PDE4D: variants seen among roughly 807,000 people sequenced by gnomAD.
PDE4D encodes phosphodiesterase 4D.
In PDE4D, 24 loss-of-function variants were observed where a neutral mutation model predicts 87.4. That is an observed-to-expected ratio of 0.27 (90% confidence interval 0.20 to 0.39). The LOEUF (loss-of-function observed/expected upper bound fraction) is 0.39. Among genes scored for constraint, PDE4D ranks in the 10% least tolerant of loss-of-function variants. The pLI is 1.00. For synonymous variants in PDE4D, 384 were observed against 383.2 expected (o/e 1.00, Z -0.02); for missense variants, 714 against 1,041.0 (o/e 0.69, Z 4.32).
chr5:59,082,572 T>G (rs748324503), intron 5 of PDE4D, among the ~76,000 whole-genome samples: 2 of 152,146 alleles, frequency 1.3e-5, no homozygotes, highest in Non-Finnish European at 2.9e-5. Context: ...TAAATGATCC[T>G]ATTCATAATA....
intron 2 of PDE4D, among the ~76,000 whole-genome samples, chr5:59,205,015 C>A (rs1329399594): frequency 6.6e-6 from 1 of 152,218 alleles, no homozygotes; most frequent in African/African-American, 2.4e-5. Context: ...TAAATGGATG[C>A]TCATATTCCC....
In PDE4D at chr5:60,201,800, A is replaced by G. The variant is rs563489840; in HGVS notation, c.-89-16113T>C. On this transcript the variant is annotated intron_variant, in intron 1 of 16. Transcript: ENST00000502484. ...ATTTCTGTAATAATTATAATAATTG[A>G]TACTGGCACCAGACTAGAAGAGAAT... Among the ~76,000 whole-genome samples, 5 of 152,358 alleles carry G rather than the reference A, an allele frequency of 3.3e-5. No individual in the cohort carries two copies. In the South Asian group the frequency reaches 1.0e-3, roughly 32 times the overall value.
At chr5:59,565,951 A>C (rs1820811895) in intron 1 of PDE4D, among the ~76,000 whole-genome samples, 1 of 152,176 alleles carries the variant, frequency 6.6e-6, no homozygotes, top group Admixed American at 6.5e-5. Flanking sequence ...AGACTCAATG[A>C]AACTGGGAGT....
At chr5:59,663,899 C>T (rs373110987) in intron 1 of PDE4D, among the ~76,000 whole-genome samples, 11 of 152,162 alleles carry the variant, frequency 7.2e-5, no homozygotes, top group Non-Finnish European at 1.3e-4. Flanking sequence ...TTCTCACCCT[C>T]GTCTCATCTC....
At chr5:59,473,322 G>A (rs1273542988) in intron 1 of PDE4D, among the ~76,000 whole-genome samples, 2 of 151,960 alleles carry the variant, frequency 1.3e-5, no homozygotes, top group East Asian at 3.9e-4. Flanking sequence ...CCAGAATAGA[G>A]AAATCACATA....
At chr5:59,065,117 CACACACAT>C (rs1207988517) in intron 5 of PDE4D, among the ~76,000 whole-genome samples, 6 of 128,100 alleles carry the variant, frequency 4.7e-5, no homozygotes, top group South Asian at 2.5e-4. Context: ...CACACACACA[CACACACAT>C]ATACAATGAA....
At chr5:60,449,162 C>G (rs1301365496) in intron 1 of PDE4D, among the ~76,000 whole-genome samples, 1 of 150,282 alleles carries the variant, frequency 6.7e-6, no homozygotes, top group Non-Finnish European at 1.5e-5. Context: ...TAAAATCTCC[C>G]TAGATCCCAT....
At chr5:59,173,832 A>C (rs912362231) in intron 5 of PDE4D, among the ~76,000 whole-genome samples, 1 of 152,222 alleles carries the variant, frequency 6.6e-6, no homozygotes, top group Non-Finnish European at 1.5e-5. Context: ...GTTTTACTTC[A>C]GTATCTCCTG....
intron 1 of PDE4D, among the ~76,000 whole-genome samples, chr5:59,351,788 T>A (rs2153587251): frequency 6.6e-6 from 1 of 152,306 alleles, no homozygotes; most frequent in African/African-American, 2.4e-5. Context: ...ATTTAACAAG[T>A]TTATATTTTA....
At chr5:60,162,019 T>G (rs1445759123) in intron 2 of PDE4D, among the ~76,000 whole-genome samples, 1 of 152,158 alleles carries the variant, frequency 6.6e-6, no homozygotes. Context: ...CACCATTTTC[T>G]GATAACTAAA....
intron 1 of PDE4D, among the ~76,000 whole-genome samples, chr5:60,439,691 C>T (rs1472050197): frequency 6.6e-6 from 1 of 152,038 alleles, no homozygotes; most frequent in East Asian, 1.9e-4. Context: ...CCTGTCCATT[C>T]TACTTTCAAA....
intron 1 of PDE4D, among the ~76,000 whole-genome samples, chr5:60,396,748 G>T (rs1190951454): frequency 2.0e-5 from 3 of 152,188 alleles, no homozygotes; most frequent in African/African-American, 7.2e-5. Flanking sequence ...CCCAGAGTTA[G>T]GTATCTATGC....
chr5:59,706,317 T>C (rs1405504840), intron 1 of PDE4D, among the ~76,000 whole-genome samples: 1 of 152,106 alleles, frequency 6.6e-6, no homozygotes, highest in Admixed American at 6.6e-5. Flanking sequence ...CCAGGTGATA[T>C]GGGAGTTTCA....
In PDE4D at chr5:59,954,977, A is replaced by G. The variant is rs150429293; in HGVS notation, c.272+33511T>C. 1.9e-3 allele frequency among the ~76,000 whole-genome samples: 287 copies of G among 152,316 alleles called. 1 individual carries two copies. The highest frequency in any genetic ancestry group is 6.5e-3 in the African/African-American group (271 of 41,580). ...TACAGATTAATTTTCCTAGACTAGT[A>G]TAAGGTTCATAATTGCTAAAGTTTA... is the stretch of plus-strand genomic sequence containing the variant. On this transcript the variant is annotated intron_variant, in intron 3 of 16. Transcript: ENST00000502484.
At chr5:60,483,146 AT>A (rs2150220313) in intron 1 of PDE4D, among the ~76,000 whole-genome samples, 1 of 151,956 alleles carries the variant, frequency 6.6e-6, no homozygotes, top group African/African-American at 2.4e-5. Context: ...TTATAAGAAA[AT>A]TTTTATGTTT....
chr5:58,976,584 G>T, intron 12 of PDE4D, 112 bp from the exon 13 acceptor site: 1 of 858,928 alleles, frequency 1.2e-6, no homozygotes, highest in Non-Finnish European at 1.8e-6. Flanking sequence ...GCCTTTTAAT[G>T]ACAGTGGAAA....
chr5:60,317,041 G>A (rs546797768), intron 1 of PDE4D, among the ~76,000 whole-genome samples: 1 of 152,236 alleles, frequency 6.6e-6, no homozygotes, highest in African/African-American at 2.4e-5. Context: ...TCTATTGATT[G>A]GAACAGTTTC....
intron 5 of PDE4D, among the ~76,000 whole-genome samples, chr5:59,107,601 T>C (rs1392555752): frequency 1.3e-5 from 2 of 152,040 alleles, no homozygotes; most frequent in African/African-American, 2.4e-5. Flanking sequence ...AGGATTTCAG[T>C]AGAAGGAGAA....
At chr5:59,938,876 A>G (rs1581821921) in intron 3 of PDE4D, among the ~76,000 whole-genome samples, 1 of 152,210 alleles carries the variant, frequency 6.6e-6, no homozygotes, top group Non-Finnish European at 1.5e-5. Context: ...GGAGACTTCT[A>G]CTGGTCACAT....
Sources: allele counts gnomAD v4.1 joint callset (sites outside exome capture counted in the v4.1 genomes callset), GRCh38; gene constraint gnomAD v4.1.1; transcripts MANE v1.5; gene names NCBI Gene and HGNC (gene_info 2026-07-23, HGNC 2026-07-21).